ARID1B: variants seen among roughly 807,000 people sequenced by gnomAD.
ARID1B encodes the protein AT-rich interaction domain 1B.
ARID1B carries 30 observed loss-of-function variants against 212.3 expected under a neutral mutation model. The observed-to-expected ratio is 0.14, with a 90% CI of 0.11 to 0.19. The LOEUF is 0.19. Among genes scored for constraint, ARID1B ranks in the 10% least tolerant of loss-of-function variants. The probability of loss-of-function intolerance (pLI) is 1.00; values close to 1 mark genes in which losing one functional copy is unlikely to be tolerated. For missense variants in ARID1B, 2,891 were observed against 3,204.0 expected, an observed-to-expected ratio of 0.90 and a Z score of 2.36; for synonymous variants, 1,402 against 1,301.7, an observed-to-expected ratio of 1.08 and a Z score of -1.66.
At chr6:157,104,312 T>C (rs1251271330) in intron 5 of ARID1B, among the ~76,000 whole-genome samples, 1 of 152,196 alleles carries the variant, frequency 6.6e-6, no homozygotes, top group Non-Finnish European at 1.5e-5. Flanking sequence ...CTAGGGAAGC[T>C]CTAGAGGCAT....
At chr6:156,924,412 T>C (rs533212389) in intron 3 of ARID1B, among the ~76,000 whole-genome samples, 1 of 152,334 alleles carries the variant, frequency 6.6e-6, no homozygotes, top group East Asian at 1.9e-4. Context: ...GCTGACTGAT[T>C]GCCAGCATCA....
chr6:157,121,249 G>T (rs1295582766), intron 6 of ARID1B, among the ~76,000 whole-genome samples: 1 of 152,102 alleles, frequency 6.6e-6, no homozygotes, highest in Admixed American at 6.6e-5. Context: ...ACTTTAACTG[G>T]ACCCATCCCT....
chr6:157,068,920 G>A (rs186887950), intron 4 of ARID1B, among the ~76,000 whole-genome samples: 186 of 152,196 alleles, frequency 1.2e-3, no homozygotes, highest in African/African-American at 4.3e-3. Flanking sequence ...TAGCTTCTCC[G>A]GACCTCTGTT....
In ARID1B at chr6:156,831,693, T is replaced by C. The variant is rs372539418; in HGVS notation, c.1986+2272T>C. 3.7e-4 allele frequency among the ~76,000 whole-genome samples: 56 copies of C among 152,380 alleles called. No homozygotes were observed. The South Asian group carries it at 9.9e-3, about 27-fold the overall frequency. ...ATTTATTTAATCCCTGTGACTCTTATACACTTTTTAAATCCAATGACTCTT... is the reference window on the plus strand; with the variant it reads ...ATTTATTTAATCCCTGTGACTCTTACACACTTTTTAAATCCAATGACTCTT... On this transcript the variant is annotated intron_variant, in intron 2 of 19. Transcript: ENST00000636930.
Position 156,999,665 on chromosome 6 carries a change from G to A in ARID1B, c.2247+64089G>A, listed in dbSNP as rs114541587. ...TGTCTGGGTACGTGAGCATGCAGGT[G>A]CTGCTGAGCCCCGTCAGCAGCTCAC... is the stretch of plus-strand genomic sequence containing the variant. On this transcript the variant is annotated intron_variant, in intron 4 of 19. Transcript: ENST00000636930. 4.8e-3 allele frequency among the ~76,000 whole-genome samples: 738 copies of A among 152,312 alleles called. 4 individuals carry two copies. The highest frequency in any genetic ancestry group is 0.017 in the African/African-American group (702 of 41,542).
chr6:157,140,946 C>A (rs2128609221), intron 7 of ARID1B: 1 of 323,560 alleles, frequency 3.1e-6, no homozygotes, highest in African/African-American at 2.1e-5. Flanking sequence ...TTCCTGCCAC[C>A]AGGACATAAG....
intron 2 of ARID1B, among the ~76,000 whole-genome samples, chr6:156,877,489 A>G (rs1786655084): frequency 6.6e-6 from 1 of 150,452 alleles, no homozygotes; most frequent in Non-Finnish European, 1.5e-5. Context: ...CTCCACCTAC[A>G]TTTATTCAAC....
chr6:157,148,024 G>T lies in ARID1B; in HGVS notation c.2762-600G>T, dbSNP rs1431721647. On this transcript the variant is annotated intron_variant, in intron 7 of 19. Transcript: ENST00000636930. This position sits in a 1 kb window ranked among gnomAD's most constrained non-coding sequence, Gnocchi z 5.6. ...ATGTGGCAGCCAGCACAAACCAGCTGCTCGATCTGGTACTCAAGCAAAAAA... is the reference window on the plus strand; with the variant it reads ...ATGTGGCAGCCAGCACAAACCAGCTTCTCGATCTGGTACTCAAGCAAAAAA... Among the ~76,000 whole-genome samples the T allele has an allele frequency of 1.3e-5, 2 of 148,818 alleles. No homozygotes were observed. The highest frequency in any genetic ancestry group is 4.0e-4 in the East Asian group (2 of 5,004).
chr6:157,162,205 A>G (rs150519982), intron 8 of ARID1B, among the ~76,000 whole-genome samples: 22 of 152,360 alleles, frequency 1.4e-4, no homozygotes, highest in African/African-American at 5.0e-4. Flanking sequence ...TAAAGCATCA[A>G]AATTATTTTA....
At chr6:156,911,417 C>G (rs1478045116) in intron 3 of ARID1B, among the ~76,000 whole-genome samples, 16 of 138,772 alleles carry the variant, frequency 1.2e-4, no homozygotes, top group African/African-American at 4.4e-4. Flanking sequence ...TCGGCTGTGG[C>G]ATGGTGATCT....
chr6:157,116,460 A>G (rs1415053732), intron 6 of ARID1B, among the ~76,000 whole-genome samples: 1 of 149,614 alleles, frequency 6.7e-6, no homozygotes, highest in African/African-American at 2.5e-5. Flanking sequence ...AAATCAACAC[A>G]GGTTATTTAA....
At chr6:156,804,883 A>AG (rs1583070710) in intron 1 of ARID1B, among the ~76,000 whole-genome samples, 1 of 151,482 alleles carries the variant, frequency 6.6e-6, no homozygotes, top group Non-Finnish European at 1.5e-5. Flanking sequence ...AAAAAAAAAA[A>AG]AAAAAAGAAA....
At chr6:156,970,444 A>G (rs1375715588) in intron 4 of ARID1B, among the ~76,000 whole-genome samples, 1 of 152,216 alleles carries the variant, frequency 6.6e-6, no homozygotes, top group Non-Finnish European at 1.5e-5. Context: ...TTTGTCTTTT[A>G]AAAACAGTTT....
chr6:157,148,552 A>T lies in ARID1B; in HGVS notation c.2762-72A>T, dbSNP rs1789966990. ...CTCCGTGCTGATCGCATTGTTGGAC[A>T]AAAAGTATTTCCAGTGAATGTTGTC... On this transcript the variant is annotated intron_variant, in intron 7 of 19. Transcript: ENST00000636930. This position sits in a 1 kb window ranked among gnomAD's most constrained non-coding sequence, Gnocchi z 5.6. 1 of 1,504,312 alleles carries T rather than the reference A, an allele frequency of 6.6e-7. No homozygotes were observed. The highest frequency in any genetic ancestry group is 9.0e-7 in the Non-Finnish European group (1 of 1,110,272). 93.2% of individuals were successfully genotyped at this position (1,504,312 alleles called of 1,614,324 possible).
At chr6:157,173,783 C>T (rs1211019663) in intron 9 of ARID1B, 1 of 447,304 alleles carries the variant, frequency 2.2e-6, no homozygotes, top group African/African-American at 2.0e-5. Context: ...GTCTTAAGCA[C>T]ACAGAATGAC....
chr6:156,804,027 A>G (rs1780979862), intron 1 of ARID1B, among the ~76,000 whole-genome samples: 1 of 152,130 alleles, frequency 6.6e-6, no homozygotes. Flanking sequence ...GGTATGATGG[A>G]GAATGTTTCT....
intron 5 of ARID1B, among the ~76,000 whole-genome samples, chr6:157,105,843 G>T (rs140626192): frequency 6.6e-6 from 1 of 151,988 alleles, no homozygotes; most frequent in East Asian, 1.9e-4. Context: ...TTCATGATCC[G>T]CCCGCCTCAG....
intron 1 of ARID1B, among the ~76,000 whole-genome samples, chr6:156,820,661 G>A (rs1240633997): frequency 1.3e-5 from 2 of 152,206 alleles, no homozygotes; most frequent in Non-Finnish European, 2.9e-5. Context: ...TAGCTAATAA[G>A]CAGCACAGGC....
At chr6:156,870,573 A>G (rs951286751) in intron 2 of ARID1B, 1 of 152,196 alleles carries the variant, frequency 6.6e-6, no homozygotes, top group African/African-American at 2.4e-5. Context: ...AAGATTTCCT[A>G]TGCCTTGGGA....
Sources: allele counts gnomAD v4.1 joint callset (sites outside exome capture counted in the v4.1 genomes callset), GRCh38; gene constraint gnomAD v4.1.1; non-coding constraint Gnocchi (gnomAD v3.1); transcripts MANE v1.5; gene names NCBI Gene and HGNC (gene_info 2026-07-23, HGNC 2026-07-21).